The following TRPS1 variants were observed in gnomAD, a reference collection of about 807,000 sequenced individuals.
The protein encoded by TRPS1 is transcriptional repressor GATA binding 1.
TRPS1 carries 6 observed loss-of-function variants against 101.2 expected under a neutral mutation model. The observed-to-expected ratio is 0.06, with a 90% confidence interval of 0.03 to 0.12. The LOEUF is 0.12. Ranked by LOEUF, TRPS1 falls within the 10% of genes least tolerant of loss-of-function variation. The pLI is 1.00. For synonymous variants in TRPS1, 578 were observed against 589.8 expected, an observed-to-expected ratio of 0.98 and a Z score of 0.29; for missense variants, 1,363 against 1,567.0, an observed-to-expected ratio of 0.87 and a Z score of 2.20.
At chr8:115,452,939 T>C (rs931288357) in intron 5 of TRPS1, among the ~76,000 whole-genome samples, 5 of 152,130 alleles carry the variant, frequency 3.3e-5, no homozygotes, top group African/African-American at 9.7e-5. Flanking sequence ...CCTAGGCTAA[T>C]ATCAAACAGA....
At chr8:115,468,810 G>A (rs1563753027) in intron 5 of TRPS1, among the ~76,000 whole-genome samples, 2 of 152,078 alleles carry the variant, frequency 1.3e-5, no homozygotes, top group African/African-American at 4.8e-5. Context: ...TTGAAAAAGG[G>A]ATATACATAG....
At chr8:115,498,413 CTCTATATATATATATATATA>C (rs1200950894) in intron 5 of TRPS1, among the ~76,000 whole-genome samples, 40 of 63,476 alleles carry the variant, frequency 6.3e-4, no homozygotes, top group African/African-American at 3.8e-3. Flanking sequence ...CTCTCTCTCT[CTCTATATATATATATATATA>C]TATATATATA....
At chr8:115,593,115 G>A (rs1287775448) in intron 4 of TRPS1, among the ~76,000 whole-genome samples, 6 of 152,082 alleles carry the variant, frequency 3.9e-5, no homozygotes, top group African/African-American at 1.4e-4. Context: ...ACCATACTCA[G>A]GTCCAAGATG....
chr8:115,481,404 C>G (rs752650428), intron 5 of TRPS1, among the ~76,000 whole-genome samples: 2 of 151,904 alleles, frequency 1.3e-5, no homozygotes, highest in African/African-American at 2.4e-5. Flanking sequence ...TCAACCCCCC[C>G]CCACTCTTCT....
chr8:115,521,559 C>T (rs1203521933), intron 5 of TRPS1, among the ~76,000 whole-genome samples: 5 of 151,778 alleles, frequency 3.3e-5, no homozygotes, highest in South Asian at 2.1e-4. Context: ...CCTATATCCA[C>T]GATGTGTTAA....
At chr8:115,436,031 C>T (rs1382315364) in intron 5 of TRPS1, among the ~76,000 whole-genome samples, 2 of 151,448 alleles carry the variant, frequency 1.3e-5, no homozygotes, top group Non-Finnish European at 2.9e-5. Context: ...CACACACACA[C>T]ACACACACAC....
At chr8:115,503,935 A>T (rs1815379883) in intron 5 of TRPS1, among the ~76,000 whole-genome samples, 1 of 152,218 alleles carries the variant, frequency 6.6e-6, no homozygotes, top group Non-Finnish European at 1.5e-5. Flanking sequence ...TTATTATTAT[A>T]GACAATAACT....
intron 5 of TRPS1, among the ~76,000 whole-genome samples, chr8:115,470,262 A>G (rs947437473): frequency 3.3e-5 from 5 of 152,228 alleles, no homozygotes; most frequent in Non-Finnish European, 7.3e-5. Context: ...TGACTAAGAC[A>G]TTGAAATAAG....
intron 5 of TRPS1, among the ~76,000 whole-genome samples, chr8:115,481,671 T>A (rs1814755404): frequency 6.6e-6 from 1 of 152,178 alleles, no homozygotes; most frequent in African/African-American, 2.4e-5. Context: ...GATAACTATT[T>A]GAGAAACAGA....
At chr8:115,456,374 G>A (rs1415508337) in intron 5 of TRPS1, among the ~76,000 whole-genome samples, 2 of 152,036 alleles carry the variant, frequency 1.3e-5, no homozygotes, top group Admixed American at 6.6e-5. Context: ...TGATGATTCA[G>A]ATTTGACATT....
At position 115,604,014 on chromosome 8, in the gene TRPS1, G is replaced by A; in HGVS notation, c.1955C>T (p.Ser652Phe). 1 of 1,613,932 alleles carries A rather than the reference G, an allele frequency of 6.2e-7. No homozygotes were observed. The highest frequency in any genetic ancestry group is 1.7e-5 in the Admixed American group (1 of 59,956). The stretch of plus-strand genomic sequence containing the variant: ...TTCTTGTTTGACATCCGATGCTTGG[G>A]ACTCATGCACACTTTCATAGTGAAA... ...LLFHYESVHE[S>F]QASDVKQEAN... The change falls in exon 4 of 7, where the codon TCC (serine) becomes TTC (phenylalanine). Residue 652 changes from serine (S) to phenylalanine (F), a missense_variant. Ser to Phe is a radical substitution (Grantham distance 155). Around this residue, in one of 5 missense-constraint regions of TRPS1, gnomAD observed 1,020 missense variants for 1,073.0 expected, o/e 0.95. Transcript: ENST00000395715. This position sits in a 1 kb window ranked among gnomAD's most constrained non-coding sequence, Gnocchi z 4.1.
chr8:115,498,415 C>CTCTCTCTCTCTCTCTCTCCTCTA (rs1486361297), intron 5 of TRPS1, among the ~76,000 whole-genome samples: 2 of 39,298 alleles, frequency 5.1e-5, no homozygotes, highest in African/African-American at 1.1e-4. Context: ...CTCTCTCTCT[C>CTCTCTCTCTCTCTCTCTCCTCTA]TATATATATA....
rs1244208543 is a variant in TRPS1, at chr8:115,587,380, G to A, written c.2321C>T (p.Ser774Phe). The A allele has an allele frequency of 3.1e-6, 5 of 1,614,052 alleles. 1 individual carries two copies. Among genetic ancestry groups the A allele is most frequent in the Non-Finnish European group, 4.2e-6 (5 of 1,180,026 alleles). Residue 774 changes from serine (S) to phenylalanine (F), a missense_variant, in exon 5 of 7, where the codon TCT (serine) becomes TTT (phenylalanine). This residue lies in a region of TRPS1 where 1,020 missense variants were observed against 1,073.0 expected (regional missense o/e 0.95). Transcript: ENST00000395715. ...TPDSKMGEPV[S>F]ESVVKREKLE... The stretch of plus-strand genomic sequence containing the variant: ...CTTCTCTCTCTTCACCACACTCTCA[G>A]AAACTGGCTCTCCCATTTTAGAGTC...
intron 1 of TRPS1, among the ~76,000 whole-genome samples, chr8:115,634,103 C>A (rs1818713766): frequency 6.6e-6 from 1 of 152,120 alleles, no homozygotes; most frequent in Non-Finnish European, 1.5e-5. Flanking sequence ...GGCATTTAGT[C>A]TTTGTTTTGT....
intron 4 of TRPS1, among the ~76,000 whole-genome samples, chr8:115,591,889 A>T (rs1431492796): frequency 6.6e-6 from 1 of 152,226 alleles, no homozygotes; most frequent in African/African-American, 2.4e-5. Flanking sequence ...ACTGAAGTAT[A>T]CGGCCCATTT....
intron 1 of TRPS1, chr8:115,668,014 A>C: frequency 1.0e-6 from 1 of 970,322 alleles, no homozygotes. Flanking sequence ...AATTAAAATC[A>C]GCCAGAAAGA....
intron 1 of TRPS1, among the ~76,000 whole-genome samples, chr8:115,657,232 T>C (rs907375640): frequency 2.6e-5 from 4 of 152,098 alleles, no homozygotes; most frequent in African/African-American, 4.8e-5. Flanking sequence ...ACATGAAAGA[T>C]AGAACTAACT....
At chr8:115,455,747 T>TTTTTTC (rs1554622466) in intron 5 of TRPS1, among the ~76,000 whole-genome samples, 1 of 149,298 alleles carries the variant, frequency 6.7e-6, no homozygotes, top group African/African-American at 2.5e-5. Context: ...GCCATATGGC[T>TTTTTTC]TTTTTCTTTT....
intron 5 of TRPS1, among the ~76,000 whole-genome samples, chr8:115,455,763 C>T: frequency 2.9e-5 from 4 of 139,808 alleles, no homozygotes; most frequent in Middle Eastern, 3.6e-3. Flanking sequence ...CTTTTTCTTT[C>T]TTTCTTTCTT....
Sources: allele counts gnomAD v4.1 joint callset (sites outside exome capture counted in the v4.1 genomes callset), GRCh38; gene constraint gnomAD v4.1.1; regional missense constraint gnomAD v4.1.1; non-coding constraint Gnocchi (gnomAD v3.1); transcripts MANE v1.5; gene names NCBI Gene and HGNC (gene_info 2026-07-23, HGNC 2026-07-21).